LARGE1: variants seen among roughly 807,000 people sequenced by gnomAD.
The protein encoded by LARGE1 is LARGE xylosyl- and glucuronyltransferase 1.
Under a neutral mutation model 87.6 loss-of-function variants are expected in LARGE1, and 43 were observed. The ratio of observed to expected loss-of-function variants is 0.49; its 90% CI spans 0.38 to 0.63. The LOEUF (loss-of-function observed/expected upper bound fraction) is 0.63. Among genes scored for constraint, LARGE1 ranks in the 30% least tolerant of loss-of-function variants. LARGE1 has a pLI of 0.00. For missense variants in LARGE1, 802 were observed against 1,000.2 expected (o/e 0.80, Z 2.67); for synonymous variants, 434 against 394.6 (o/e 1.10, Z -1.18).
chr22:33,080,376 G>C, the LARGE1 span, among the ~76,000 whole-genome samples: 1 of 152,136 alleles, frequency 6.6e-6, no homozygotes, highest in Admixed American at 6.5e-5. Flanking sequence ...CTCTTTGTTC[G>C]TTGTAGGTTC....
chr22:33,595,426 C>G (rs1353088162), intron 5 of LARGE1, among the ~76,000 whole-genome samples: 1 of 152,066 alleles, frequency 6.6e-6, no homozygotes, highest in Non-Finnish European at 1.5e-5. Flanking sequence ...CAGATCTAGA[C>G]CAAGTGCTGT....
intron 7 of LARGE1, among the ~76,000 whole-genome samples, chr22:33,392,926 C>T (rs2065585504): frequency 6.6e-6 from 1 of 152,144 alleles, no homozygotes; most frequent in South Asian, 2.1e-4. Flanking sequence ...TTTCCAGGCC[C>T]ATAGCCTTCT....
intron 6 of LARGE1, among the ~76,000 whole-genome samples, chr22:33,554,617 C>T (rs563969605): frequency 3.1e-4 from 47 of 152,260 alleles, no homozygotes; most frequent in South Asian, 1.0e-3. Context: ...CTACGGGCCA[C>T]AGTGGTCTTT....
intron 2 of LARGE1, among the ~76,000 whole-genome samples, chr22:33,711,006 T>C (rs901937544): frequency 6.6e-6 from 1 of 152,154 alleles, no homozygotes; most frequent in Non-Finnish European, 1.5e-5. Context: ...TCGCTCATCA[T>C]TTATTGTGCC....
At chr22:33,624,718 G>A (rs934068272) in intron 4 of LARGE1, among the ~76,000 whole-genome samples, 1 of 151,654 alleles carries the variant, frequency 6.6e-6, no homozygotes, top group East Asian at 1.9e-4. Context: ...CCTTGACAAG[G>A]AGAAGCCGCT....
chr22:33,327,273 G>A (rs1267741980), intron 10 of LARGE1, among the ~76,000 whole-genome samples: 2 of 152,130 alleles, frequency 1.3e-5, no homozygotes, highest in East Asian at 1.9e-4. Flanking sequence ...GTCAGGGAAC[G>A]TGGCCTTGGA....
Position 33,706,867 on chromosome 22 carries a change from T to C in LARGE1, c.106+54504A>G, listed in dbSNP as rs369789180. The stretch of plus-strand genomic sequence containing the variant: ...ACCACTGCAGAATGAAACAGCCCTA[T>C]GGACACCCTGACTTTAGTCCAGTGA... On this transcript the variant is annotated intron_variant, in intron 2 of 14. Transcript: ENST00000397394. 2.6e-5 allele frequency among the ~76,000 whole-genome samples: 4 copies of C among 152,324 alleles called. No individual in the cohort carries two copies. In the East Asian group the frequency reaches 7.7e-4, roughly 29 times the overall value.
chr22:33,778,566 T>C (rs1390201082), intron 1 of LARGE1, among the ~76,000 whole-genome samples: 2 of 152,204 alleles, frequency 1.3e-5, no homozygotes, highest in East Asian at 3.8e-4. Context: ...TGTGGGATCA[T>C]TCAACACATG....
the LARGE1 span, among the ~76,000 whole-genome samples, chr22:33,102,612 C>T: frequency 6.6e-6 from 1 of 152,172 alleles, no homozygotes; most frequent in Non-Finnish European, 1.5e-5. Flanking sequence ...GCCTCAGCCT[C>T]TTGAGTAGAT....
intron 1 of LARGE1, among the ~76,000 whole-genome samples, chr22:33,785,192 T>C (rs536077017): frequency 2.7e-5 from 4 of 149,550 alleles, no homozygotes; most frequent in South Asian, 2.1e-4. Context: ...TATATACATA[T>C]ATGTGTATAC....
chr22:33,815,919 T>A (rs577067099), intron 1 of LARGE1, among the ~76,000 whole-genome samples: 1 of 152,154 alleles, frequency 6.6e-6, no homozygotes, highest in Non-Finnish European at 1.5e-5. Context: ...CATTTGCAGA[T>A]CATCATAAGT....
chr22:33,218,680 T>C (rs1925322212), intron 11 of LARGE1, among the ~76,000 whole-genome samples: 1 of 152,204 alleles, frequency 6.6e-6, no homozygotes, highest in South Asian at 2.1e-4. Flanking sequence ...TATTTGCTCA[T>C]ATGATCCTTT....
intron 2 of LARGE1, among the ~76,000 whole-genome samples, chr22:33,738,840 G>A (rs371883174): frequency 3.7e-4 from 51 of 136,540 alleles, no homozygotes; most frequent in African/African-American, 1.3e-3. Flanking sequence ...GCGAGACTCC[G>A]TCTCAAAAAA....
the LARGE1 span, among the ~76,000 whole-genome samples, chr22:33,091,559 C>CAAAT: frequency 0.5 from 70,476 of 140,308 alleles, 19,040 homozygotes; most frequent in Non-Finnish European, 0.61. Context: ...GACTCCATCT[C>CAAAT]AAATAAATAA....
chr22:33,471,808 G>C (rs888234930), intron 6 of LARGE1, among the ~76,000 whole-genome samples: 6 of 152,164 alleles, frequency 3.9e-5, no homozygotes, highest in Non-Finnish European at 7.3e-5. Context: ...GCCGAGGCGG[G>C]CGCATCATGA....
At chr22:33,554,917 G>A (rs1602404834) in intron 6 of LARGE1, among the ~76,000 whole-genome samples, 1 of 152,160 alleles carries the variant, frequency 6.6e-6, no homozygotes. Context: ...TTCTGTGCTG[G>A]GACATATCAG....
At chr22:33,892,354 A>G (rs1601863451) in intron 1 of LARGE1, among the ~76,000 whole-genome samples, 1 of 152,066 alleles carries the variant, frequency 6.6e-6, no homozygotes, top group East Asian at 1.9e-4. Context: ...GGCAGGGCAC[A>G]CTCTTTGTGG....
chr22:33,672,503 G>A (rs1371919803), intron 2 of LARGE1, among the ~76,000 whole-genome samples: 2 of 152,298 alleles, frequency 1.3e-5, no homozygotes, highest in East Asian at 3.9e-4. Context: ...TGTTCTTCCA[G>A]GGTCTGTCTG....
At chr22:33,248,735 A>G (rs1194086657) in intron 11 of LARGE1, among the ~76,000 whole-genome samples, 3 of 152,156 alleles carry the variant, frequency 2.0e-5, no homozygotes, top group Admixed American at 1.3e-4. Flanking sequence ...CTCCCTCCAC[A>G]ACCCCTGATC....
Sources: gnomAD v4.1 joint callset for allele counts (sites outside exome capture counted in the v4.1 genomes callset) on GRCh38, gnomAD v4.1.1 for gene constraint, MANE v1.5 for transcripts, NCBI Gene and HGNC (gene_info 2026-07-23, HGNC 2026-07-21) for gene names.